CNTN4: variants seen among roughly 807,000 people sequenced by gnomAD.
The protein encoded by CNTN4 is contactin-4.
In CNTN4, 77 loss-of-function variants were observed where a neutral mutation model predicts 122.5. The observed-to-expected ratio is 0.63, with a 90% CI of 0.52 to 0.76. The LOEUF (loss-of-function observed/expected upper bound fraction) is 0.76. Among genes scored for constraint, CNTN4 ranks in the 30% least tolerant of loss-of-function variants. The pLI, the probability that CNTN4 is intolerant of heterozygous loss-of-function variation, is 0.00. For missense variants in CNTN4, 1,256 were observed against 1,259.1 expected, an observed-to-expected ratio of 1.00 and a Z score of 0.04; for synonymous variants, 512 against 447.0, an observed-to-expected ratio of 1.15 and a Z score of -1.83.
chr3:2,253,951 A>G (rs555713164), intron 2 of CNTN4, among the ~76,000 whole-genome samples: 1 of 152,270 alleles, frequency 6.6e-6, no homozygotes, highest in East Asian at 1.9e-4. Flanking sequence ...CAGGTTTGTT[A>G]CATAGGTATA....
At chr3:2,450,982 G>A (rs973141663) in intron 3 of CNTN4, among the ~76,000 whole-genome samples, 2 of 152,208 alleles carry the variant, frequency 1.3e-5, no homozygotes, top group Non-Finnish European at 2.9e-5. Context: ...TAGGGAACAA[G>A]TGAGGAAGGG....
intron 2 of CNTN4, among the ~76,000 whole-genome samples, chr3:2,111,476 A>G (rs1351104869): frequency 2.0e-5 from 3 of 152,168 alleles, no homozygotes; most frequent in Non-Finnish European, 4.4e-5. Flanking sequence ...AACATAATAT[A>G]ATGTACTCCC....
intron 4 of CNTN4, among the ~76,000 whole-genome samples, chr3:2,592,677 G>A (rs531651022): frequency 6.6e-6 from 1 of 152,130 alleles, no homozygotes; most frequent in Non-Finnish European, 1.5e-5. Context: ...CCCCAGACAC[G>A]TAGAACTGTA....
chr3:2,164,466 C>CA (rs1335678140), intron 2 of CNTN4, among the ~76,000 whole-genome samples: 6 of 152,146 alleles, frequency 3.9e-5, no homozygotes, highest in African/African-American at 1.4e-4. Flanking sequence ...GGAGAACTAA[C>CA]AGATTACCAT....
At chr3:2,812,532 A>G (rs566285666) in intron 6 of CNTN4, among the ~76,000 whole-genome samples, 2 of 152,152 alleles carry the variant, frequency 1.3e-5, no homozygotes, top group African/African-American at 4.8e-5. Context: ...AAGAGGATAT[A>G]TTTTAAGTCT....
chr3:2,993,455 G>A (rs1695232952), intron 14 of CNTN4, among the ~76,000 whole-genome samples: 1 of 150,876 alleles, frequency 6.6e-6, no homozygotes, highest in South Asian at 2.1e-4. Context: ...ATGCCACGAC[G>A]CCCAGCTAAT....
intron 4 of CNTN4, among the ~76,000 whole-genome samples, chr3:2,659,991 T>C (rs2083799581): frequency 1.3e-5 from 2 of 152,234 alleles, no homozygotes; most frequent in South Asian, 4.1e-4. Flanking sequence ...GTTTGTCTTT[T>C]ATTGGCTTTT....
At chr3:2,616,002 A>G (rs1444197373) in intron 4 of CNTN4, among the ~76,000 whole-genome samples, 2 of 149,838 alleles carry the variant, frequency 1.3e-5, no homozygotes, top group Non-Finnish European at 1.5e-5. Flanking sequence ...AATTAAGAAT[A>G]CTAGTTCCTC....
chr3:2,464,686 A>G (rs1052894519), intron 3 of CNTN4, among the ~76,000 whole-genome samples: 1 of 152,238 alleles, frequency 6.6e-6, no homozygotes, highest in African/African-American at 2.4e-5. Flanking sequence ...TTGGAACAAA[A>G]TGCATTTTAT....
chr3:2,609,733 G>T (rs749872894), intron 4 of CNTN4, among the ~76,000 whole-genome samples: 1 of 152,116 alleles, frequency 6.6e-6, no homozygotes, highest in Non-Finnish European at 1.5e-5. Context: ...TTCTAGGGTA[G>T]TTTGGGTAGC....
intron 4 of CNTN4, among the ~76,000 whole-genome samples, chr3:2,626,472 G>C (rs1396132471): frequency 6.7e-6 from 1 of 148,502 alleles, no homozygotes; most frequent in Non-Finnish European, 1.5e-5. Flanking sequence ...ACTCCAGCCT[G>C]GGCGACAGAG....
In CNTN4 at chr3:2,736,427, A is replaced by G. The variant is rs1038526491; in HGVS notation, c.182+86A>G. Reference sequence around the variant, plus strand: ...ATACTTATACAATGCTGGTTACATAAAGAGCTTTTATTTATTTATTTTATT... The same window carrying G: ...ATACTTATACAATGCTGGTTACATAGAGAGCTTTTATTTATTTATTTTATT... On this transcript the variant is annotated intron_variant, in intron 5 of 24. Coordinates refer to ENST00000418658, the MANE Select transcript of CNTN4 (RefSeq NM_175607.3). 1.8e-5 allele frequency: 16 copies of G among 873,632 alleles called. No individual in the cohort carries two copies. In the African/African-American group the frequency reaches 2.1e-4, roughly 12 times the overall value. 54.1% of individuals were successfully genotyped at this position (873,632 alleles called of 1,614,324 possible).
chr3:2,674,752 C>T (rs370614408), intron 4 of CNTN4, among the ~76,000 whole-genome samples: 12 of 149,638 alleles, frequency 8.0e-5, no homozygotes, highest in South Asian at 2.2e-4. Flanking sequence ...GATGAGACTT[C>T]GTCTCAAAAA....
At chr3:2,253,713 C>G (rs1406799119) in intron 2 of CNTN4, among the ~76,000 whole-genome samples, 1 of 151,792 alleles carries the variant, frequency 6.6e-6, no homozygotes, top group Non-Finnish European at 1.5e-5. Context: ...GCCATCTCGG[C>G]TCACTGCAGC....
At chr3:2,344,603 T>A (rs1325777728) in intron 3 of CNTN4, among the ~76,000 whole-genome samples, 3 of 152,070 alleles carry the variant, frequency 2.0e-5, no homozygotes, top group African/African-American at 7.2e-5. Context: ...AACATCAGGA[T>A]TCATGGTTTC....
At chr3:2,444,838 T>C (rs766417261) in intron 3 of CNTN4, among the ~76,000 whole-genome samples, 1 of 152,074 alleles carries the variant, frequency 6.6e-6, no homozygotes, top group Non-Finnish European at 1.5e-5. Context: ...AAGCATTTTG[T>C]TGGTTTGCTT....
rs1234334638 is a variant in CNTN4 at position 2,773,762 on chromosome 3, C to CTTTT, written c.358+28078_358+28081dup. Among the ~76,000 whole-genome samples the CTTTT allele has an allele frequency of 2.8e-5, 3 of 107,520 alleles. 1 individual carries two copies. Among genetic ancestry groups the CTTTT allele is most frequent in the East Asian group, 2.8e-4 (1 of 3,596 alleles). The allele number at this position is 107,520 out of a possible 152,430, so 70.5% of individuals were successfully genotyped here. ...GAAGCCTTCATCTCAATGTAGTAGACTTTTTTTTTTTTTTTTGAGACGGAG... is the reference window on the plus strand; with the variant it reads ...GAAGCCTTCATCTCAATGTAGTAGACTTTTTTTTTTTTTTTTTTTTGAGACGGAG... On this transcript the variant is annotated intron_variant, in intron 6 of 24. Transcript: ENST00000418658.
chr3:2,858,240 T>A (rs2093636473), intron 7 of CNTN4, among the ~76,000 whole-genome samples: 1 of 152,182 alleles, frequency 6.6e-6, no homozygotes, highest in Non-Finnish European at 1.5e-5. Context: ...GCAATTCTTG[T>A]CCCTCCCTGT....
At chr3:2,148,979 G>T (rs1452799457) in intron 2 of CNTN4, among the ~76,000 whole-genome samples, 1 of 151,570 alleles carries the variant, frequency 6.6e-6, no homozygotes, top group Non-Finnish European at 1.5e-5. Flanking sequence ...TGTTGGGGGG[G>T]TGGTGTCTAA....
Sources: gnomAD v4.1 joint callset for allele counts (sites outside exome capture counted in the v4.1 genomes callset) on GRCh38, gnomAD v4.1.1 for gene constraint, MANE v1.5 for transcripts, NCBI Gene and HGNC (gene_info 2026-07-23, HGNC 2026-07-21) for gene names.